Variants in HS3ST1 observed in about 807,000 individuals in gnomAD.
HS3ST1 encodes heparan sulfate glucosamine 3-O-sulfotransferase 1.
A neutral mutation model predicts 20.7 loss-of-function variants in HS3ST1; 8 were observed. The observed-to-expected ratio is 0.39, with a 90% confidence interval of 0.23 to 0.70. HS3ST1 has a LOEUF of 0.70. Among genes scored for constraint, HS3ST1 ranks in the 30% least tolerant of loss-of-function variants. HS3ST1 has a pLI of 0.46. For synonymous variants in HS3ST1, 205 were observed against 190.4 expected, an observed-to-expected ratio of 1.08 and a Z score of -0.63; for missense variants, 436 against 423.4, an observed-to-expected ratio of 1.03 and a Z score of -0.26.
chr4:11,400,759 A>G (rs756726034), intron 1 of HS3ST1, among the ~76,000 whole-genome samples: 11 of 152,248 alleles, frequency 7.2e-5, no homozygotes, highest in Non-Finnish European at 1.2e-4. Flanking sequence ...ATTAGTCCCA[A>G]TTCTTCACCT....
At chr4:11,413,142 A>G (rs1237051745) in intron 1 of HS3ST1, among the ~76,000 whole-genome samples, 5 of 152,192 alleles carry the variant, frequency 3.3e-5, no homozygotes, top group Admixed American at 1.3e-4. Context: ...CATCAGGCCT[A>G]TGGTGCTTGG....
intron 1 of HS3ST1, among the ~76,000 whole-genome samples, chr4:11,410,796 G>A (rs1718605739): frequency 6.6e-6 from 1 of 152,168 alleles, no homozygotes; most frequent in Non-Finnish European, 1.5e-5. Flanking sequence ...GGAGGCTGAG[G>A]CAGGAGAATT....
chr4:11,424,002 ATT>A (rs1718999266), intron 1 of HS3ST1, among the ~76,000 whole-genome samples: 1 of 148,868 alleles, frequency 6.7e-6, no homozygotes. Flanking sequence ...AAGTGAGTAG[ATT>A]TTACATAAAA....
intron 1 of HS3ST1, among the ~76,000 whole-genome samples, chr4:11,409,422 A>G (rs763217236): frequency 2.8e-5 from 4 of 142,442 alleles, no homozygotes; most frequent in African/African-American, 5.3e-5. Flanking sequence ...TCGGATTTCC[A>G]TAAGGTTGTA....
intron 1 of HS3ST1, among the ~76,000 whole-genome samples, chr4:11,427,855 T>C (rs1453050467): frequency 6.6e-6 from 1 of 152,346 alleles, no homozygotes; most frequent in Admixed American, 6.5e-5. Flanking sequence ...TCTGGGTCTG[T>C]CCTCCGCTTC....
chr4:11,427,113 T>C (rs939280905), intron 1 of HS3ST1, among the ~76,000 whole-genome samples: 2 of 152,238 alleles, frequency 1.3e-5, no homozygotes, highest in Admixed American at 6.5e-5. Context: ...TTTTTCTTTT[T>C]TTTTTAAAGA....
At chr4:11,434,146 C>A (rs1304890231), upstream of HS3ST1, among the ~76,000 whole-genome samples, 1 of 152,186 alleles carries the variant, frequency 6.6e-6, no homozygotes, top group Non-Finnish European at 1.5e-5. Flanking sequence ...TGGTAGAGTT[C>A]TCTTTCCATA....
rs143434706 is a variant in HS3ST1, at chr4:11,397,340, C to G, written c.*1742G>C. ...GGCATAGGCCATGCTAAGGTCAGGT[C>G]AGGCTGGAGCTGCTGAAACGTACCA... On this transcript the variant is annotated 3_prime_UTR_variant, in exon 2 of 2. Coordinates refer to ENST00000002596, the MANE Select transcript of HS3ST1 (RefSeq NM_005114.4). 14 of 152,618 alleles carry G rather than the reference C, an allele frequency of 9.2e-5. No homozygotes were observed. In the East Asian group the frequency reaches 2.5e-3, roughly 27 times the overall value. The allele number at this position is 152,618 out of a possible 1,614,324, so 9.5% of individuals were successfully genotyped here.
intron 1 of HS3ST1, among the ~76,000 whole-genome samples, chr4:11,427,083 G>C (rs1200955064): frequency 1.3e-5 from 2 of 152,204 alleles, no homozygotes; most frequent in Admixed American, 1.3e-4. Context: ...GCAGAAGTTG[G>C]GTTATTTCTC....
intron 1 of HS3ST1, among the ~76,000 whole-genome samples, chr4:11,414,330 T>C (rs1375943935): frequency 6.6e-6 from 1 of 152,166 alleles, no homozygotes; most frequent in African/African-American, 2.4e-5. Flanking sequence ...TATATACATA[T>C]ACACGCGTGT....
At chr4:11,426,401 T>G (rs1485817299) in intron 1 of HS3ST1, among the ~76,000 whole-genome samples, 1 of 138,358 alleles carries the variant, frequency 7.2e-6, no homozygotes, top group Non-Finnish European at 1.5e-5. Context: ...TCCAGTAAAA[T>G]AATTTCTTAT....
chr4:11,434,308 ATTTTC>A (rs1341651106), upstream of HS3ST1, among the ~76,000 whole-genome samples: 1 of 152,144 alleles, frequency 6.6e-6, no homozygotes, highest in Non-Finnish European at 1.5e-5. Context: ...AATTAATTTA[ATTTTC>A]TTTTAAGTTC....
chr4:11,399,959 T>C lies in HS3ST1; in HGVS notation c.47A>G (p.Gln16Arg). The change falls in exon 2 of 2, where the codon CAG becomes CGG. Residue 16 changes from glutamine (Q) to arginine (R), a missense_variant. Transcript: ENST00000002596. The surrounding 1 kb of genome is among the most constrained non-coding windows in gnomAD (Gnocchi z 5.1). ...LGAVLLVAQPQLVPSRPAELG... is the reference protein window; with the variant it reads ...LGAVLLVAQPRLVPSRPAELG... ...CTCGGCGGGGCGGGAAGGCACTAGC[T>C]GGGGCTGGGCCACCAGCAGCACCGC... The C allele has an allele frequency of 6.4e-7, 1 of 1,557,608 alleles. No homozygotes were observed. Among genetic ancestry groups the C allele is most frequent in the Non-Finnish European group, 8.6e-7 (1 of 1,156,110 alleles).
chr4:11,433,496 C>G (rs766030304), upstream of HS3ST1, among the ~76,000 whole-genome samples: 1 of 152,178 alleles, frequency 6.6e-6, no homozygotes, highest in Non-Finnish European at 1.5e-5. Context: ...AAGTGGTCCC[C>G]TTGTTCAAAT....
At chr4:11,415,235 A>G (rs1271604068) in intron 1 of HS3ST1, among the ~76,000 whole-genome samples, 1 of 152,232 alleles carries the variant, frequency 6.6e-6, no homozygotes, top group African/African-American at 2.4e-5. Flanking sequence ...ATGGGGCAGA[A>G]AGATCAAAGC....
At chr4:11,424,575 G>C (rs1719016267) in intron 1 of HS3ST1, among the ~76,000 whole-genome samples, 1 of 152,174 alleles carries the variant, frequency 6.6e-6, no homozygotes, top group Non-Finnish European at 1.5e-5. Flanking sequence ...TTGCTGAGAA[G>C]CTGAAAAGCC....
intron 1 of HS3ST1, among the ~76,000 whole-genome samples, chr4:11,426,144 T>C (rs1719053673): frequency 6.6e-6 from 1 of 152,164 alleles, no homozygotes; most frequent in Non-Finnish European, 1.5e-5. Flanking sequence ...AGATACATCT[T>C]ACTGTGCCTT....
chr4:11,416,513 A>G (rs552204604), intron 1 of HS3ST1, among the ~76,000 whole-genome samples: 2 of 151,456 alleles, frequency 1.3e-5, no homozygotes, highest in East Asian at 3.9e-4. Context: ...CGTTCAGGGT[A>G]TGCCAGGTTA....
chr4:11,398,922 A>G lies in HS3ST1; in HGVS notation c.*160T>C. On this transcript the variant is annotated 3_prime_UTR_variant, in exon 2 of 2. Coordinates refer to ENST00000002596, the MANE Select transcript of HS3ST1 (RefSeq NM_005114.4). ...CTCCATTTAACAAGTAGAAAAATAT[A>G]ACTAGTATATATGGCAATTGTGAAT... is the stretch of plus-strand genomic sequence containing the variant. 1 of 598,530 alleles carries G rather than the reference A, an allele frequency of 1.7e-6. No homozygotes were observed. Among genetic ancestry groups the G allele is most frequent in the East Asian group, 2.9e-5 (1 of 34,322 alleles). The allele number at this position is 598,530 out of a possible 1,614,324, so 37.1% of individuals were successfully genotyped here. A position where few individuals can be genotyped will look rare whatever the true frequency, so the allele number is the denominator to read the frequency against.
Sources: gnomAD v4.1 joint callset for allele counts (sites outside exome capture counted in the v4.1 genomes callset) on GRCh38, gnomAD v4.1.1 for gene constraint, Gnocchi (gnomAD v3.1) non-coding constraint, MANE v1.5 for transcripts, NCBI Gene and HGNC (gene_info 2026-07-23, HGNC 2026-07-21) for gene names.